The following CDK7 variants were observed in gnomAD, a reference collection of about 807,000 sequenced individuals.
CDK7 encodes cyclin-dependent kinase 7.
A neutral mutation model predicts 49.1 loss-of-function variants in CDK7; 25 were observed. That is an observed-to-expected ratio of 0.51 (90% CI 0.37 to 0.71). CDK7 has a LOEUF of 0.71. Among genes scored for constraint, CDK7 ranks in the 30% least tolerant of loss-of-function variants. The pLI is 0.00. For synonymous variants in CDK7, 107 were observed against 140.0 expected, an observed-to-expected ratio of 0.76 and a Z score of 1.67; for missense variants, 316 against 411.7, an observed-to-expected ratio of 0.77 and a Z score of 2.01.
At chr5:69,256,857 A>C (rs534884115) in intron 5 of CDK7, among the ~76,000 whole-genome samples, 1 of 152,142 alleles carries the variant, frequency 6.6e-6, no homozygotes, top group East Asian at 1.9e-4. Context: ...TCCCATCTCG[A>C]AAAAAGAAAA....
chr5:69,269,473 ACCTC>A (rs949133638), intron 9 of CDK7, among the ~76,000 whole-genome samples, 180 bp downstream of exon 9: 1 of 152,156 alleles, frequency 6.6e-6, no homozygotes, highest in Non-Finnish European at 1.5e-5. Context: ...TATACCATCA[ACCTC>A]TTGTATACAT....
At chr5:69,262,668 CAAAAAAAA>C (rs35645434) in intron 8 of CDK7, among the ~76,000 whole-genome samples, 1 of 113,590 alleles carries the variant, frequency 8.8e-6, no homozygotes, top group Non-Finnish European at 1.8e-5. Flanking sequence ...GGCTCCATCT[CAAAAAAAA>C]AAAAAAAGAA....
chr5:69,271,502 A>C (rs929044343), intron 9 of CDK7, among the ~76,000 whole-genome samples: 2 of 135,844 alleles, frequency 1.5e-5, no homozygotes, highest in Middle Eastern at 3.8e-3. Flanking sequence ...ATTTTTTGAC[A>C]ATTTTTTTTT....
Position 69,267,666 on chromosome 5 carries a change from A to C in CDK7, c.628-1541A>C, listed in dbSNP as rs948082772. 5.1e-5 allele frequency among the ~76,000 whole-genome samples: 7 copies of C among 138,570 alleles called. No individual in the cohort carries two copies. The East Asian group carries it at 1.2e-3, about 23-fold the overall frequency. The allele number at this position is 138,570 out of a possible 152,430, so 90.9% of individuals were successfully genotyped here. Reference sequence around the variant, plus strand: ...TGAAAAAAGTGAACATTAATTCCTTAATAAAATCAAGTCTGTATTCAGATT... The same window carrying C: ...TGAAAAAAGTGAACATTAATTCCTTCATAAAATCAAGTCTGTATTCAGATT... On this transcript the variant is annotated intron_variant, in intron 8 of 11. Coordinates refer to ENST00000256443, the MANE Select transcript of CDK7 (RefSeq NM_001799.4).
intron 2 of CDK7, among the ~76,000 whole-genome samples, chr5:69,237,228 G>A (rs1749061418): frequency 1.3e-5 from 2 of 152,030 alleles, no homozygotes; most frequent in African/African-American, 4.8e-5. Context: ...AGCCTCCAAG[G>A]TAGCTGGGAC....
intron 7 of CDK7, 95 bp from the exon 8 acceptor site, chr5:69,262,110 A>G: frequency 1.3e-6 from 2 of 1,529,434 alleles, no homozygotes; most frequent in Admixed American, 1.7e-5. Context: ...GATTGCCTTT[A>G]AAAACAGAAA....
chr5:69,242,537 C>A (rs1373095219), intron 2 of CDK7, among the ~76,000 whole-genome samples: 3 of 152,126 alleles, frequency 2.0e-5, no homozygotes, highest in Non-Finnish European at 4.4e-5. Flanking sequence ...GTGGAGGTTG[C>A]AAAATTCTTG....
At chr5:69,275,916 A>G (rs1418359842) in intron 10 of CDK7, among the ~76,000 whole-genome samples, 3 of 152,230 alleles carry the variant, frequency 2.0e-5, no homozygotes, top group Non-Finnish European at 4.4e-5. Context: ...CGTCATGTAT[A>G]TGCAAATATT....
chr5:69,254,539 A>AAAT, intron 3 of CDK7, 63 bp from the exon 4 acceptor site: 1 of 795,154 alleles, frequency 1.3e-6, no homozygotes, highest in South Asian at 1.6e-5. Flanking sequence ...AAAAAAAAAA[A>AAAT]GAAGTGTTTG....
chr5:69,237,896 T>C (rs1487787594), intron 2 of CDK7, among the ~76,000 whole-genome samples: 1 of 152,194 alleles, frequency 6.6e-6, no homozygotes, highest in African/African-American at 2.4e-5. Context: ...TGTGAGTCAC[T>C]ATGCCTGGCC....
rs764439143 is a variant in CDK7, at chr5:69,273,054, A to G, written c.864+13A>G. On this transcript the variant is annotated intron_variant, in intron 10 of 11. Transcript: ENST00000256443. ...TACGGCCACACAGGTATTTTGGTGT[A>G]TCTTTTTTATACTAGGAAATATAAA... The G allele has an allele frequency of 2.0e-5, 30 of 1,477,104 alleles. No homozygotes were observed. The highest frequency in any genetic ancestry group is 2.7e-5 in the Non-Finnish European group (30 of 1,095,720). 91.5% of individuals were successfully genotyped at this position (1,477,104 alleles called of 1,614,324 possible). A position where few individuals can be genotyped will look rare whatever the true frequency, so the allele number is the denominator to read the frequency against.
chr5:69,252,295 A>C, intron 2 of CDK7, 123 bp from the exon 3 acceptor site: 1 of 684,226 alleles, frequency 1.5e-6, no homozygotes. Context: ...TAGTAGGTAC[A>C]TATTGGTTGC....
intron 2 of CDK7, among the ~76,000 whole-genome samples, chr5:69,250,228 A>G (rs1561354519): frequency 6.6e-6 from 1 of 152,230 alleles, no homozygotes; most frequent in Non-Finnish European, 1.5e-5. Flanking sequence ...AGGTATTCCA[A>G]GTATTCAAAG....
intron 2 of CDK7, among the ~76,000 whole-genome samples, chr5:69,245,380 C>T (rs1313591196): frequency 6.8e-6 from 1 of 147,866 alleles, no homozygotes; most frequent in African/African-American, 2.5e-5. Flanking sequence ...CTATCGCCTA[C>T]CCAGGCCCTG....
rs1416420848 is a variant in CDK7 at position 69,267,186 on chromosome 5, A to G, written c.628-2021A>G. ...ATCAACCAGTTTCAATAGTTTCAAC[A>G]TATGATTCATTTTATCAGTACTCTC... On this transcript the variant is annotated intron_variant, in intron 8 of 11. Transcript: ENST00000256443. Among the ~76,000 whole-genome samples, 4 of 151,990 alleles carry G rather than the reference A, an allele frequency of 2.6e-5. No homozygotes were observed. The East Asian group carries it at 7.7e-4, about 29-fold the overall frequency.
chr5:69,237,726 G>C lies in CDK7; in HGVS notation c.126+2273G>C, dbSNP rs542918864. Among the ~76,000 whole-genome samples, 4 of 152,184 alleles carry C rather than the reference G, an allele frequency of 2.6e-5. No homozygotes were observed. In the South Asian group the frequency reaches 6.2e-4, roughly 24 times the overall value. On this transcript the variant is annotated intron_variant, in intron 2 of 11. Transcript: ENST00000256443. ...AGCACTTTGGGAGCTCGAGGCAGGCGGATCACCTGAGGTCAGGAGTTCAAG... is the reference window on the plus strand; with the variant it reads ...AGCACTTTGGGAGCTCGAGGCAGGCCGATCACCTGAGGTCAGGAGTTCAAG...
intron 2 of CDK7, among the ~76,000 whole-genome samples, chr5:69,243,826 G>GTTTTTTTTTTTTT (rs747576681): frequency 1.5e-5 from 1 of 66,402 alleles, no homozygotes; most frequent in Non-Finnish European, 2.7e-5. Flanking sequence ...AATGATAGTT[G>GTTTTTTTTTTTTT]TTTTTTTTTT....
chr5:69,259,880 C>G lies in CDK7; in HGVS notation c.471C>G (p.Gly157=). Residue 157 remains glycine, a synonymous_variant, in exon 7 of 12, where the codon GGC becomes GGG. Coordinates refer to ENST00000256443, the MANE Select transcript of CDK7 (RefSeq NM_001799.4). ...GAGTTCTAAAACTGGCAGATTTTGG[C>G]CTGGCCAAATCTTTTGGGAGCCCCA... The part of the protein sequence containing the change: ...ENGVLKLADF[G]LAKSFGSPNR... 1.2e-6 allele frequency: 2 copies of G among 1,614,012 alleles called. No homozygotes were observed. Among genetic ancestry groups the G allele is most frequent in the Non-Finnish European group, 1.7e-6 (2 of 1,179,936 alleles).
At chr5:69,240,768 C>G (rs1749314787) in intron 2 of CDK7, among the ~76,000 whole-genome samples, 1 of 152,120 alleles carries the variant, frequency 6.6e-6, no homozygotes, top group Non-Finnish European at 1.5e-5. Context: ...GCTGGGATTA[C>G]AGACACATGC....
Sources: allele counts gnomAD v4.1 joint callset (sites outside exome capture counted in the v4.1 genomes callset), GRCh38; gene constraint gnomAD v4.1.1; transcripts MANE v1.5; gene names NCBI Gene and HGNC (gene_info 2026-07-23, HGNC 2026-07-21).